PTDSS2: variants seen among roughly 807,000 people sequenced by gnomAD.
PTDSS2 encodes the protein phosphatidylserine synthase 2, also known as PSS-2.
In PTDSS2, 41 loss-of-function variants were observed where a neutral mutation model predicts 64.7. That is an observed-to-expected ratio of 0.63 (90% CI 0.49 to 0.82). The LOEUF is 0.82. Among genes scored for constraint, PTDSS2 ranks in the 40% least tolerant of loss-of-function variants. The probability of loss-of-function intolerance (pLI) is 0.00; values close to 1 mark genes in which losing one functional copy is unlikely to be tolerated. For synonymous variants in PTDSS2, 297 were observed against 277.8 expected (o/e 1.07, Z -0.69); for missense variants, 485 against 650.0 (o/e 0.75, Z 2.76).
chr11:487,111 G>A (rs757878287), intron 5 of PTDSS2, 38 bp downstream of exon 5: 2 of 1,588,248 alleles, frequency 1.3e-6, no homozygotes, highest in African/African-American at 2.7e-5. Flanking sequence ...CCCCTCCCCA[G>A]GTGTGGCCCC....
Position 479,633 on chromosome 11 carries a change from C to T in PTDSS2, c.435+481C>T, listed in dbSNP as rs114847626. Among the ~76,000 whole-genome samples the T allele has an allele frequency of 0.012, 1,799 of 152,280 alleles. 45 individuals carry two copies. Among genetic ancestry groups the T allele is most frequent in the African/African-American group, 0.041 (1,719 of 41,538 alleles). ...GGCAAATCTGGGCCTCAGAGGGGAC[C>T]CCAGCGCCAAGAGGGACGGGGTCTT... On this transcript the variant is annotated intron_variant, in intron 4 of 11. Coordinates refer to ENST00000308020, the MANE Select transcript of PTDSS2 (RefSeq NM_030783.3). The surrounding 1 kb of genome is among the most constrained non-coding windows in gnomAD (Gnocchi z 4.2).
At chr11:487,534 C>T (rs144269273) in intron 6 of PTDSS2, 64 bp downstream of exon 6, 21,142 of 1,463,206 alleles carry the variant, frequency 0.014, 192 homozygotes, top group Non-Finnish European at 0.018. Flanking sequence ...GGCTCTGGAC[C>T]GTTTCTGTCC....
At chr11:465,759 C>G (rs989204144) in intron 2 of PTDSS2, among the ~76,000 whole-genome samples, 67 of 150,940 alleles carry the variant, frequency 4.4e-4, no homozygotes, top group Admixed American at 2.6e-3. Flanking sequence ...GACCACCCCC[C>G]CCCCATCTCT....
rs1427071603 is a variant in PTDSS2 at position 462,510 on chromosome 11, C to A, written c.284+2222C>A. On this transcript the variant is annotated intron_variant, in intron 2 of 11. Coordinates refer to ENST00000308020, the MANE Select transcript of PTDSS2 (RefSeq NM_030783.3). This position sits in a 1 kb window ranked among gnomAD's most constrained non-coding sequence, Gnocchi z 4.5. ...CCCTCTTTGAGGGCACAAAAGAAGCCACCTGTCCTTCTCTGCTGCTGGCAC... is the reference window on the plus strand; with the variant it reads ...CCCTCTTTGAGGGCACAAAAGAAGCAACCTGTCCTTCTCTGCTGCTGGCAC... 6.6e-6 allele frequency among the ~76,000 whole-genome samples: 1 copy of A among 152,232 alleles called. No individual in the cohort carries two copies. Among genetic ancestry groups the A allele is most frequent in the East Asian group, 1.9e-4 (1 of 5,194 alleles).
rs1415368406 is a variant in PTDSS2, at chr11:461,751, G to A, written c.284+1463G>A. 6.6e-6 allele frequency among the ~76,000 whole-genome samples: 1 copy of A among 152,164 alleles called. No homozygotes were observed. Among genetic ancestry groups the A allele is most frequent in the Non-Finnish European group, 1.5e-5 (1 of 68,032 alleles). Reference sequence around the variant, plus strand: ...CCCTTTCTTAGGCAGTCCCAGCGGGGGTCACGTGCAGAACCTGCAGGCCCG... The same window carrying A: ...CCCTTTCTTAGGCAGTCCCAGCGGGAGTCACGTGCAGAACCTGCAGGCCCG... On this transcript the variant is annotated intron_variant, in intron 2 of 11. Transcript: ENST00000308020. The surrounding 1 kb of genome is among the most constrained non-coding windows in gnomAD (Gnocchi z 4.2).
intron 2 of PTDSS2, among the ~76,000 whole-genome samples, chr11:473,103 C>T (rs1203317171): frequency 6.6e-6 from 1 of 152,264 alleles, no homozygotes; most frequent in Non-Finnish European, 1.5e-5. Context: ...GCTGTCTGCA[C>T]ATCCGCCGGC....
chr11:470,097 C>G lies in PTDSS2; in HGVS notation c.285-3798C>G, dbSNP rs1040640552. Among the ~76,000 whole-genome samples, 1 of 152,210 alleles carries G rather than the reference C, an allele frequency of 6.6e-6. No individual in the cohort carries two copies. Among genetic ancestry groups the G allele is most frequent in the African/African-American group, 2.4e-5 (1 of 41,452 alleles). ...CCCCCATTCCAGGAGCTGGCGTGAG[C>G]TCCCGGCACCGCTGTGCGCTGCGCG... On this transcript the variant is annotated intron_variant, in intron 2 of 11. Transcript: ENST00000308020. The surrounding 1 kb of genome is among the most constrained non-coding windows in gnomAD (Gnocchi z 5.3).
chr11:488,330 C>A lies in PTDSS2; in HGVS notation c.735+18C>A. 1 of 1,594,458 alleles carries A rather than the reference C, an allele frequency of 6.3e-7. No individual in the cohort carries two copies. The highest frequency in any genetic ancestry group is 8.6e-7 in the Non-Finnish European group (1 of 1,164,058). On this transcript the variant is annotated intron_variant, in intron 7 of 11. Transcript: ENST00000308020. ...GGGATCACGTAGGTGCCAGCACAGC[C>A]CCCGGGGCAGTCGGTGCAGGCTGAG...
chr11:478,032 G>A (rs1237561874), intron 3 of PTDSS2, among the ~76,000 whole-genome samples: 3 of 152,166 alleles, frequency 2.0e-5, no homozygotes, highest in Non-Finnish European at 2.9e-5. Context: ...CGTTTAGTCC[G>A]AAAACCTCAC....
chr11:450,115 G>C (rs2133740825), upstream of PTDSS2, among the ~76,000 whole-genome samples: 1 of 152,322 alleles, frequency 6.6e-6, no homozygotes, highest in Non-Finnish European at 1.5e-5. Context: ...GGAGGCCTTG[G>C]CGAGACCCGC....
At chr11:490,095 C>T (rs1248355583) in intron 11 of PTDSS2, 27 bp downstream of exon 11, 2 of 1,581,612 alleles carry the variant, frequency 1.3e-6, no homozygotes, top group East Asian at 2.2e-5. Context: ...CGCGTATGTT[C>T]TGAAGGAGGG....
intron 2 of PTDSS2, among the ~76,000 whole-genome samples, chr11:465,755 C>CA (rs1019788299): frequency 3.4e-5 from 5 of 146,156 alleles, no homozygotes; most frequent in Non-Finnish European, 7.5e-5. Flanking sequence ...TGAGGACCAC[C>CA]CCCCCCCCAT....
upstream of PTDSS2, chr11:448,303 A>G (rs1397100526): frequency 1.3e-5 from 2 of 152,022 alleles, no homozygotes; most frequent in East Asian, 1.9e-4. Flanking sequence ...GGGCCGGTAC[A>G]TCTCCCCGCC....
chr11:490,579 C>G lies in PTDSS2; in HGVS notation c.1461C>G (p.Asn487Lys). Reference sequence around the variant, plus strand: ...AGGGCGAGGGAGCACCAACTCCAAACTGACCTGGGCCGTGGCTGCCTCGTG... The same window carrying G: ...AGGGCGAGGGAGCACCAACTCCAAAGTGACCTGGGCCGTGGCTGCCTCGTG... Reference protein sequence around the residue: ...VAEGEGAPTPN With the variant: ...VAEGEGAPTPK The change falls in exon 12 of 12, where the codon AAC becomes AAG. Residue 487 changes from asparagine to lysine, a missense_variant. By Grantham distance (94) the Asn-to-Lys change is moderately conservative. Transcript: ENST00000308020. The G allele has an allele frequency of 6.3e-7, 1 of 1,588,448 alleles. No homozygotes were observed.
chr11:451,187 C>T (rs1404132459), intron 1 of PTDSS2, among the ~76,000 whole-genome samples: 4 of 152,202 alleles, frequency 2.6e-5, no homozygotes, highest in Non-Finnish European at 5.9e-5. Flanking sequence ...CGAATCCAGG[C>T]TCTGTTTCTC....
chr11:489,755 G>A lies in PTDSS2; in HGVS notation c.1115+22G>A, dbSNP rs781648087. 1.8e-5 allele frequency: 29 copies of A among 1,603,184 alleles called. No individual in the cohort carries two copies. The Admixed American group carries it at 2.7e-4, about 15-fold the overall frequency. On this transcript the variant is annotated intron_variant, in intron 10 of 11. Transcript: ENST00000308020. Reference sequence around the variant, plus strand: ...ACCCGTGAGGGCTGCGGCAGTCCGGGTGGAGACACCCCCGGGGGGCAGGGG... The same window carrying A: ...ACCCGTGAGGGCTGCGGCAGTCCGGATGGAGACACCCCCGGGGGGCAGGGG...
chr11:454,353 C>T (rs891294500), intron 1 of PTDSS2, among the ~76,000 whole-genome samples: 12 of 152,122 alleles, frequency 7.9e-5, no homozygotes, highest in African/African-American at 1.7e-4. Flanking sequence ...CCTGAAGGGG[C>T]GAAGGGTTAC....
At chr11:468,288 T>C (rs1847233962) in intron 2 of PTDSS2, among the ~76,000 whole-genome samples, 1 of 152,096 alleles carries the variant, frequency 6.6e-6, no homozygotes, top group Non-Finnish European at 1.5e-5. Flanking sequence ...GATGTGGTAG[T>C]GAAAACATCA....
At chr11:468,445 G>A (rs1847242191) in intron 2 of PTDSS2, among the ~76,000 whole-genome samples, 1 of 152,248 alleles carries the variant, frequency 6.6e-6, no homozygotes, top group South Asian at 2.1e-4. Flanking sequence ...CAGACCGTGT[G>A]CAGATTTTAA....
Sources: gnomAD v4.1 joint callset for allele counts (sites outside exome capture counted in the v4.1 genomes callset) on GRCh38, gnomAD v4.1.1 for gene constraint, Gnocchi (gnomAD v3.1) non-coding constraint, MANE v1.5 for transcripts, NCBI Gene and HGNC (gene_info 2026-07-23, HGNC 2026-07-21) for gene names.